The following ATAD2B variants were observed in gnomAD, a reference collection of about 807,000 sequenced individuals.
The protein encoded by ATAD2B is ATPase family AAA domain containing 2B.
Under a neutral mutation model 167.6 loss-of-function variants are expected in ATAD2B, and 40 were observed. The ratio of observed to expected loss-of-function variants is 0.24; its 90% CI spans 0.19 to 0.31. The LOEUF (loss-of-function observed/expected upper bound fraction) is 0.31, where lower values mean the gene tolerates loss of function less well. Among genes scored for constraint, ATAD2B ranks in the 10% least tolerant of loss-of-function variants. The probability of loss-of-function intolerance (pLI) is 1.00; values close to 1 mark genes in which losing one functional copy is unlikely to be tolerated. For missense variants in ATAD2B, 1,242 were observed against 1,757.2 expected (o/e 0.71, Z 5.24); for synonymous variants, 579 against 596.5 (o/e 0.97, Z 0.43).
chr2:23,778,906 C>T (rs185410486), intron 22 of ATAD2B, among the ~76,000 whole-genome samples: 5 of 152,260 alleles, frequency 3.3e-5, no homozygotes, highest in Admixed American at 6.5e-5. Context: ...GCAGTCTCTG[C>T]GTCTTGAAAA....
intron 1 of ATAD2B, among the ~76,000 whole-genome samples, chr2:23,902,772 AG>A (rs943593300): frequency 1.4e-4 from 21 of 152,178 alleles, no homozygotes; most frequent in African/African-American, 5.1e-4. Flanking sequence ...AAGATGGATA[AG>A]AACTACTTGA....
the ATAD2B span, among the ~76,000 whole-genome samples, chr2:23,698,834 A>G: frequency 6.6e-6 from 1 of 152,178 alleles, no homozygotes; most frequent in Admixed American, 6.5e-5. Context: ...TGGCTTGGCA[A>G]TCAGCCACCT....
the ATAD2B span, chr2:23,706,559 G>A: frequency 1.3e-6 from 2 of 1,537,166 alleles, no homozygotes; most frequent in East Asian, 2.4e-5. Context: ...GCAACATGGA[G>A]GCCTACGAGC....
At chr2:23,745,428 AAGGGAAGGG>A (rs2149278792), downstream of ATAD2B, among the ~76,000 whole-genome samples, 1 of 82,158 alleles carries the variant, frequency 1.2e-5, no homozygotes, top group African/African-American at 5.4e-5. Flanking sequence ...AAGGAAAGGG[AAGGGAAGGG>A]AAGGGAAGGG....
the ATAD2B span, chr2:23,684,611 C>G: frequency 7.4e-7 from 1 of 1,355,488 alleles, no homozygotes; most frequent in Non-Finnish European, 9.9e-7. The surrounding 1 kb of genome is among the most constrained non-coding windows in gnomAD (Gnocchi z 4.4). Flanking sequence ...CTCTTCCCCT[C>G]TCTTGCAGGT....
chr2:23,922,034 G>C (rs1309204670), intron 1 of ATAD2B, among the ~76,000 whole-genome samples: 1 of 151,952 alleles, frequency 6.6e-6, no homozygotes, highest in Non-Finnish European at 1.5e-5. Flanking sequence ...GAAGGACCTA[G>C]GGATTTTTTT....
At chr2:23,784,659 T>TA (rs1293369648) in intron 21 of ATAD2B, among the ~76,000 whole-genome samples, 3 of 152,022 alleles carry the variant, frequency 2.0e-5, no homozygotes, top group African/African-American at 7.2e-5. Flanking sequence ...TAAGAAGTGT[T>TA]AGAGTCCAAA....
chr2:23,880,810 A>T, intron 6 of ATAD2B, 55 bp from the exon 7 acceptor site: 1 of 1,051,166 alleles, frequency 9.5e-7, no homozygotes, highest in Non-Finnish European at 1.4e-6. Context: ...ATTCAAAAGG[A>T]TTGGTCTACT....
chr2:23,866,950 G>C (rs992778671), intron 10 of ATAD2B, among the ~76,000 whole-genome samples: 1 of 152,036 alleles, frequency 6.6e-6, no homozygotes, highest in Non-Finnish European at 1.5e-5. Flanking sequence ...CATGTCCTCC[G>C]AGTCTTGTGC....
chr2:23,861,259 A>AT (rs1553431152), intron 12 of ATAD2B, among the ~76,000 whole-genome samples: 1 of 151,554 alleles, frequency 6.6e-6, no homozygotes, highest in Non-Finnish European at 1.5e-5. Flanking sequence ...GTGAAATCTC[A>AT]TAACAGTCTA....
At chr2:23,807,510 C>G (rs571423991) in intron 18 of ATAD2B, among the ~76,000 whole-genome samples, 15 of 152,174 alleles carry the variant, frequency 9.9e-5, no homozygotes, top group East Asian at 3.9e-4. Context: ...TTTCAGACAA[C>G]CAAATTTTGA....
intron 1 of ATAD2B, among the ~76,000 whole-genome samples, chr2:23,924,011 T>C (rs1015121672): frequency 6.6e-6 from 1 of 151,896 alleles, no homozygotes; most frequent in East Asian, 1.9e-4. Context: ...TGAAACCCCG[T>C]CTCTAATAAA....
chr2:23,743,962 A>T (rs1290874376), downstream of ATAD2B, among the ~76,000 whole-genome samples: 3 of 152,180 alleles, frequency 2.0e-5, no homozygotes, highest in African/African-American at 7.2e-5. Context: ...AATACAATGA[A>T]GACTATTATT....
intron 12 of ATAD2B, 24 bp downstream of exon 12, chr2:23,863,357 C>A (rs1169661219): frequency 6.5e-7 from 1 of 1,544,660 alleles, no homozygotes; most frequent in East Asian, 2.4e-5. Flanking sequence ...AGAAAAGACT[C>A]TTGAATTAGA....
chr2:23,863,666 T>A, intron 11 of ATAD2B, 111 bp from the exon 12 acceptor site: 1 of 1,012,986 alleles, frequency 9.9e-7, no homozygotes, highest in Non-Finnish European at 1.4e-6. Flanking sequence ...AGTATAATTA[T>A]TAGACATTGA....
intron 13 of ATAD2B, among the ~76,000 whole-genome samples, chr2:23,847,554 C>T (rs1480840677): frequency 6.6e-6 from 1 of 151,740 alleles, no homozygotes; most frequent in South Asian, 2.1e-4. Flanking sequence ...GTGGCCCCAG[C>T]TATTTGGGAG....
intron 19 of ATAD2B, among the ~76,000 whole-genome samples, chr2:23,791,049 T>C (rs1297869664): frequency 6.6e-6 from 1 of 152,234 alleles, no homozygotes; most frequent in Non-Finnish European, 1.5e-5. Flanking sequence ...TTTTGTATCA[T>C]ACAACTGACA....
At chr2:23,706,338 G>A in the ATAD2B span, 5 of 578,424 alleles carry the variant, frequency 8.6e-6, no homozygotes, top group South Asian at 1.5e-4. Context: ...GCCCAGGTTA[G>A]AGGGCAAAGA....
chr2:23,905,488 C>CTT (rs1701361806), intron 1 of ATAD2B, among the ~76,000 whole-genome samples: 1 of 152,122 alleles, frequency 6.6e-6, no homozygotes, highest in South Asian at 2.1e-4. Flanking sequence ...TACACCACTG[C>CTT]ACTCCAGCTT....
Sources: allele counts gnomAD v4.1 joint callset (sites outside exome capture counted in the v4.1 genomes callset), GRCh38; gene constraint gnomAD v4.1.1; non-coding constraint Gnocchi (gnomAD v3.1); transcripts MANE v1.5; gene names NCBI Gene and HGNC (gene_info 2026-07-23, HGNC 2026-07-21).